Variants in DLGAP2 observed in about 807,000 individuals in gnomAD.
DLGAP2 encodes DLG associated protein 2, also known as disks large-associated protein 2.
In DLGAP2, 26 loss-of-function variants were observed where a neutral mutation model predicts 100.3. That is an observed-to-expected ratio of 0.26 (90% confidence interval 0.19 to 0.36). DLGAP2 has a LOEUF of 0.36. Among genes scored for constraint, DLGAP2 ranks in the 10% least tolerant of loss-of-function variants. DLGAP2 has a pLI of 1.00. For synonymous variants in DLGAP2, 886 were observed against 630.1 expected, an observed-to-expected ratio of 1.41 and a Z score of -6.08; for missense variants, 1,858 against 1,453.2, an observed-to-expected ratio of 1.28 and a Z score of -4.53.
chr8:1,491,571 C>G lies in DLGAP2; in HGVS notation c.107-9795C>G, dbSNP rs78110593. On this transcript the variant is annotated intron_variant, in intron 3 of 14. Coordinates refer to ENST00000637795, the MANE Select transcript of DLGAP2 (RefSeq NM_001346810.2). Reference sequence around the variant, plus strand: ...CATGGTGGACATATCTTTAAGGTGTCTTTAGTATAAAACTTTATTAAGTAT... The same window carrying G: ...CATGGTGGACATATCTTTAAGGTGTGTTTAGTATAAAACTTTATTAAGTAT... Among the ~76,000 whole-genome samples the G allele has an allele frequency of 1.5e-3, 228 of 152,306 alleles. No individual in the cohort carries two copies. The East Asian group carries it at 0.03, about 20-fold the overall frequency.
At chr8:1,416,488 C>G (rs1796886969) in intron 3 of DLGAP2, among the ~76,000 whole-genome samples, 1 of 152,218 alleles carries the variant, frequency 6.6e-6, no homozygotes, top group Non-Finnish European at 1.5e-5. Context: ...TTTTGCTGCT[C>G]CTGTTTCCTA....
chr8:749,862 C>G (rs1292926859), intron 1 of DLGAP2, among the ~76,000 whole-genome samples: 1 of 152,156 alleles, frequency 6.6e-6, no homozygotes, highest in Non-Finnish European at 1.5e-5. Flanking sequence ...TGGGGAGGGT[C>G]CCCTCCTCTC....
At chr8:805,130 G>A (rs1796243526) in intron 1 of DLGAP2, among the ~76,000 whole-genome samples, 1 of 152,094 alleles carries the variant, frequency 6.6e-6, no homozygotes, top group African/African-American at 2.4e-5. Flanking sequence ...GGAATGATTT[G>A]CCCCCTAGGC....
At chr8:1,145,080 G>C (rs564702420) in intron 2 of DLGAP2, among the ~76,000 whole-genome samples, 2 of 152,238 alleles carry the variant, frequency 1.3e-5, no homozygotes, top group East Asian at 3.9e-4. Context: ...TTAGTAGGTG[G>C]CCAAGGGACC....
At chr8:1,020,428 G>A (rs938594371) in intron 2 of DLGAP2, among the ~76,000 whole-genome samples, 4 of 152,116 alleles carry the variant, frequency 2.6e-5, no homozygotes, top group Admixed American at 6.5e-5. Context: ...ATGTAGTAAG[G>A]GCTGAGGCAT....
In DLGAP2 at chr8:1,241,077, A is replaced by C. The variant is rs185709047; in HGVS notation, c.74-17774A>C. 3.8e-4 allele frequency among the ~76,000 whole-genome samples: 11 copies of C among 29,150 alleles called. 1 individual carries two copies. The highest frequency in any genetic ancestry group is 1.7e-3 in the South Asian group (1 of 604). 19.1% of individuals were successfully genotyped at this position (29,150 alleles called of 152,430 possible). ...TCGTGTCTGGTTCTCTCACATGGTG[A>C]CGTGTCTAGTTCTCTCACATGGCGC... is the stretch of plus-strand genomic sequence containing the variant. On this transcript the variant is annotated intron_variant, in intron 2 of 14. Transcript: ENST00000637795.
intron 3 of DLGAP2, among the ~76,000 whole-genome samples, chr8:1,458,020 TTA>T (rs1294696856): frequency 2.4e-5 from 3 of 125,372 alleles, no homozygotes; most frequent in Non-Finnish European, 5.2e-5. Context: ...ATATAATTTT[TTA>T]TATGTGTGTA....
intron 1 of DLGAP2, among the ~76,000 whole-genome samples, chr8:841,663 C>T (rs1188098550): frequency 6.6e-6 from 1 of 151,962 alleles, no homozygotes; most frequent in African/African-American, 2.4e-5. Flanking sequence ...GTCACTGCAG[C>T]CTTGAACTCC....
intron 3 of DLGAP2, among the ~76,000 whole-genome samples, chr8:1,277,540 T>G (rs1168096770): frequency 1.3e-5 from 2 of 152,246 alleles, no homozygotes; most frequent in African/African-American, 2.4e-5. Flanking sequence ...AGATGATTCT[T>G]GAGCTGTCTT....
At chr8:1,574,879 A>G (rs1357774807) in intron 6 of DLGAP2, among the ~76,000 whole-genome samples, 2 of 152,218 alleles carry the variant, frequency 1.3e-5, no homozygotes, top group African/African-American at 4.8e-5. Flanking sequence ...TTTTGCAAGC[A>G]TTGAGAAAAT....
At chr8:816,917 G>A (rs1585894751) in intron 1 of DLGAP2, among the ~76,000 whole-genome samples, 1 of 152,130 alleles carries the variant, frequency 6.6e-6, no homozygotes. Flanking sequence ...ATATTGAGTG[G>A]ATCACAAGGT....
chr8:1,641,132 C>A (rs932594690), intron 8 of DLGAP2, among the ~76,000 whole-genome samples: 1 of 152,114 alleles, frequency 6.6e-6, no homozygotes, highest in Non-Finnish European at 1.5e-5. Flanking sequence ...GAACCAGCTC[C>A]CAGTAAGGGT....
At chr8:1,267,558 C>CGAAAT (rs1799481841) in intron 3 of DLGAP2, among the ~76,000 whole-genome samples, 11 of 63,108 alleles carry the variant, frequency 1.7e-4, no homozygotes, top group African/African-American at 1.0e-3. Context: ...AATTCCCGCT[C>CGAAAT]AAAATAAAAT....
chr8:1,229,528 C>G lies in DLGAP2; in HGVS notation c.74-29323C>G, dbSNP rs981416478. 4.1e-5 allele frequency among the ~76,000 whole-genome samples: 6 copies of G among 146,742 alleles called. No individual in the cohort carries two copies. In the East Asian group the frequency reaches 1.5e-3, roughly 36 times the overall value. ...GTGTGTGTAGAGGTTTCATAATAGT[C>G]TCTGAGGATCTTTTGTTTTTCTGTG... On this transcript the variant is annotated intron_variant, in intron 2 of 14. Coordinates refer to ENST00000637795, the MANE Select transcript of DLGAP2 (RefSeq NM_001346810.2).
chr8:972,922 C>G (rs577521605), intron 2 of DLGAP2, among the ~76,000 whole-genome samples: 13 of 152,190 alleles, frequency 8.5e-5, no homozygotes, highest in African/African-American at 2.4e-4. Flanking sequence ...GTTTCAGAGA[C>G]CACCGTGTTG....
chr8:1,592,183 G>A (rs911274861), intron 6 of DLGAP2, among the ~76,000 whole-genome samples: 2 of 152,196 alleles, frequency 1.3e-5, no homozygotes, highest in African/African-American at 4.8e-5. Flanking sequence ...CCTGGCCGCA[G>A]CTCTCCATGG....
At chr8:1,358,087 C>A (rs958232288) in intron 3 of DLGAP2, among the ~76,000 whole-genome samples, 1 of 152,086 alleles carries the variant, frequency 6.6e-6, no homozygotes, top group Non-Finnish European at 1.5e-5. Flanking sequence ...GAACGCAGCC[C>A]CCTCCCAGGA....
chr8:1,668,792 A>G, intron 9 of DLGAP2, 114 bp downstream of exon 9: 1 of 996,272 alleles, frequency 1.0e-6, no homozygotes, highest in South Asian at 1.7e-5. Flanking sequence ...CTGTAACCCC[A>G]GCAGGGCTGT....
chr8:1,141,172 G>A (rs762392056), intron 2 of DLGAP2, among the ~76,000 whole-genome samples: 6 of 152,290 alleles, frequency 3.9e-5, no homozygotes, highest in South Asian at 4.2e-4. Flanking sequence ...GGGCTTTTAC[G>A]TGGGGGCTGG....
Sources: gnomAD v4.1 joint callset for allele counts (sites outside exome capture counted in the v4.1 genomes callset) on GRCh38, gnomAD v4.1.1 for gene constraint, MANE v1.5 for transcripts, NCBI Gene and HGNC (gene_info 2026-07-23, HGNC 2026-07-21) for gene names.